TSC22D1: variants seen among roughly 807,000 people sequenced by gnomAD.
TSC22D1 encodes the protein TSC22 domain family protein 1.
In TSC22D1, 9 loss-of-function variants were observed where a neutral mutation model predicts 74.2. The observed-to-expected ratio is 0.12, with a 90% CI of 0.07 to 0.21. The LOEUF (loss-of-function observed/expected upper bound fraction) is 0.21. TSC22D1 is among the 10% of genes least tolerant of loss of function. The pLI, the probability that TSC22D1 is intolerant of heterozygous loss-of-function variation, is 1.00. For synonymous variants in TSC22D1, 586 were observed against 492.5 expected, an observed-to-expected ratio of 1.19 and a Z score of -2.51; for missense variants, 1,427 against 1,304.7, an observed-to-expected ratio of 1.09 and a Z score of -1.44.
intron 2 of TSC22D1, 87 bp downstream of exon 2, chr13:44,435,957 G>A (rs1874575744): frequency 1.5e-6 from 2 of 1,307,672 alleles, no homozygotes; most frequent in Non-Finnish European, 2.2e-6. Flanking sequence ...ATCATCATCT[G>A]AACTTAGGGA....
At chr13:44,452,828 G>GT (rs1484715545) in intron 1 of TSC22D1, 4 of 152,382 alleles carry the variant, frequency 2.6e-5, no homozygotes, top group Admixed American at 2.0e-4. Context: ...AGCTGGTAAG[G>GT]TAAGTGCTTG....
rs1874185986 is a variant in TSC22D1, at chr13:44,433,084, T to TAA, written c.*1540_*1541dup. 1 of 152,232 alleles carries TAA rather than the reference T, an allele frequency of 6.6e-6. No individual in the cohort carries two copies. The highest frequency in any genetic ancestry group is 2.1e-4 in the South Asian group (1 of 4,830). The allele number at this position is 152,232 out of a possible 1,614,324, so 9.4% of individuals were successfully genotyped here. A position where few individuals can be genotyped will look rare whatever the true frequency, so the allele number is the denominator to read the frequency against. ...TCCCAACCCAGGGTGACAGGGTTCT[T>TAA]AAAGTGGAAATCAGCTTCTCCAACT... On this transcript the variant is annotated 3_prime_UTR_variant, in exon 3 of 3. Coordinates refer to ENST00000458659, the MANE Select transcript of TSC22D1 (RefSeq NM_183422.4).
intron 1 of TSC22D1, among the ~76,000 whole-genome samples, chr13:44,438,763 A>G (rs910641409): frequency 1.1e-4 from 16 of 152,284 alleles, no homozygotes; most frequent in Non-Finnish European, 2.1e-4. Context: ...ATTATTTGGG[A>G]AGCTGGCATG....
At chr13:44,552,035 C>T (rs2138153627) in intron 1 of TSC22D1, among the ~76,000 whole-genome samples, 1 of 152,340 alleles carries the variant, frequency 6.6e-6, no homozygotes, top group East Asian at 1.9e-4. Flanking sequence ...CTCTCCTTTA[C>T]AAGGGTAGCT....
At chr13:44,572,400 G>C (rs1883831215) in intron 1 of TSC22D1, among the ~76,000 whole-genome samples, 1 of 152,188 alleles carries the variant, frequency 6.6e-6, no homozygotes, top group South Asian at 2.1e-4. Flanking sequence ...CAGAGACCAA[G>C]GTCTTATTTT....
intron 1 of TSC22D1, among the ~76,000 whole-genome samples, chr13:44,552,479 G>A (rs1006931643): frequency 3.3e-5 from 5 of 152,072 alleles, no homozygotes; most frequent in South Asian, 2.1e-4. Flanking sequence ...CAAGATTTCC[G>A]TCAGGAATAT....
chr13:44,550,150 T>C (rs936560266), intron 1 of TSC22D1, among the ~76,000 whole-genome samples: 69 of 152,196 alleles, frequency 4.5e-4, no homozygotes, highest in Admixed American at 1.3e-4. Flanking sequence ...TATGCTTTGA[T>C]TTAAAAAGTA....
Position 44,479,322 on chromosome 13 carries a change from A to ATT in TSC22D1, c.2913-43229_2913-43228dup, listed in dbSNP as rs35004474. On this transcript the variant is annotated intron_variant, in intron 1 of 2. Transcript: ENST00000458659. Reference sequence around the variant, plus strand: ...TAAAACAGTATGAGATCTTTCTGTGATTTTTTTTTTTTTTTTTTTAGCTCA... The same window carrying ATT: ...TAAAACAGTATGAGATCTTTCTGTGATTTTTTTTTTTTTTTTTTTTTAGCTCA... 2.7e-3 allele frequency among the ~76,000 whole-genome samples: 365 copies of ATT among 134,072 alleles called. 7 individuals are homozygous for ATT. The Middle Eastern group carries it at 0.036, about 13-fold the overall frequency. The allele number at this position is 134,072 out of a possible 152,430, so 88.0% of individuals were successfully genotyped here. A position where few individuals can be genotyped will look rare whatever the true frequency, so the allele number is the denominator to read the frequency against.
intron 1 of TSC22D1, among the ~76,000 whole-genome samples, chr13:44,520,163 T>C (rs1042774517): frequency 6.6e-6 from 1 of 152,178 alleles, no homozygotes; most frequent in Non-Finnish European, 1.5e-5. Context: ...GCCCAGAGAA[T>C]TGACACATGA....
intron 1 of TSC22D1, among the ~76,000 whole-genome samples, chr13:44,490,906 A>G (rs1878673967): frequency 2.0e-5 from 3 of 149,034 alleles, no homozygotes. Flanking sequence ...CCGTCTCATT[A>G]AAAAAAATGA....
intron 1 of TSC22D1, among the ~76,000 whole-genome samples, chr13:44,517,813 G>A (rs1462152156): frequency 8.4e-5 from 2 of 23,674 alleles, no homozygotes; most frequent in African/African-American, 1.2e-4. Context: ...ACATATATAT[G>A]TGTGTGTGTG....
At chr13:44,493,290 G>A (rs1220362041) in intron 1 of TSC22D1, among the ~76,000 whole-genome samples, 2 of 152,156 alleles carry the variant, frequency 1.3e-5, no homozygotes, top group African/African-American at 4.8e-5. Context: ...TTCTACAGAA[G>A]GCAGAGCAGA....
At chr13:44,516,402 G>GATTTAT (rs1879985293) in intron 1 of TSC22D1, 4 of 411,972 alleles carry the variant, frequency 9.7e-6, no homozygotes, top group Non-Finnish European at 1.9e-5. Context: ...ATAAATAAAA[G>GATTTAT]TTCCTGAAGA....
At chr13:44,489,198 A>G (rs963848175) in intron 1 of TSC22D1, among the ~76,000 whole-genome samples, 11 of 100,244 alleles carry the variant, frequency 1.1e-4, no homozygotes, top group Non-Finnish European at 2.2e-4. Context: ...GCCTTACCTC[A>G]TTTCATGCAA....
At chr13:44,475,706 G>GA (rs1420727009) in intron 1 of TSC22D1, among the ~76,000 whole-genome samples, 1 of 152,036 alleles carries the variant, frequency 6.6e-6, no homozygotes, top group Non-Finnish European at 1.5e-5. Flanking sequence ...TGGTCAAATA[G>GA]AAAAAATATA....
rs1884234571 is a variant in TSC22D1 at position 44,576,218 on chromosome 13, C to T, written c.-144G>A. 1.6e-6 allele frequency: 2 copies of T among 1,245,718 alleles called. No homozygotes were observed. Among genetic ancestry groups the T allele is most frequent in the Non-Finnish European group, 2.1e-6 (2 of 932,038 alleles). 77.2% of individuals were successfully genotyped at this position (1,245,718 alleles called of 1,614,324 possible). A position where few individuals can be genotyped will look rare whatever the true frequency, so the allele number is the denominator to read the frequency against. ...CCTTCTCCTCCTCCTCAGCCAAAGG[C>T]GCCGGTCGCTCCTGCCTTCGAGAGC... is the stretch of plus-strand genomic sequence containing the variant. On this transcript the variant is annotated 5_prime_UTR_variant, in exon 1 of 3. Transcript: ENST00000458659.
chr13:44,452,593 T>C (rs41425048), intron 1 of TSC22D1: 15,110 of 152,350 alleles, frequency 0.099, 783 homozygotes, highest in Non-Finnish European at 0.11. Context: ...TCTTACAAAG[T>C]AACTTGGCTA....
rs772780188 is a variant in TSC22D1 at position 44,434,709 on chromosome 13, A to G, written c.3139T>C (p.Ser1047Pro). The change falls in exon 3 of 3, where the codon TCC becomes CCC. Residue 1047 changes from serine (S) to proline (P), a missense_variant. This residue lies in a region of TSC22D1 where 63 missense variants were observed against 50.5 expected (regional missense o/e 1.25). Coordinates refer to ENST00000458659, the MANE Select transcript of TSC22D1 (RefSeq NM_183422.4). ...AQFQAQLQTG[S>P]PPATTQPQGT... ...TGTGGCTGGGTGGTGGCAGGGGGGG[A>G]GCCAGTCTGCAGCTGGGCCTGAAAC... 9.3e-6 allele frequency: 15 copies of G among 1,608,930 alleles called. 1 individual carries two copies. The highest frequency in any genetic ancestry group is 2.2e-5 in the East Asian group (1 of 44,784).
rs1184367263 is a variant in TSC22D1 at position 44,473,625 on chromosome 13, GTA to G, written c.2913-37532_2913-37531del. Among the ~76,000 whole-genome samples the G allele has an allele frequency of 3.8e-3, 482 of 125,722 alleles. 3 individuals carry two copies. Among genetic ancestry groups the G allele is most frequent in the African/African-American group, 6.5e-3 (222 of 34,226 alleles). The allele number at this position is 125,722 out of a possible 152,430, so 82.5% of individuals were successfully genotyped here. A position where few individuals can be genotyped will look rare whatever the true frequency, so the allele number is the denominator to read the frequency against. Reference sequence around the variant, plus strand: ...TATATATGTGTGTGTGTGTGTGTGTGTATATATTTAGCATAGATGTATATATT... The same window carrying G: ...TATATATGTGTGTGTGTGTGTGTGTGTATATTTAGCATAGATGTATATATT... On this transcript the variant is annotated intron_variant, in intron 1 of 2. Coordinates refer to ENST00000458659, the MANE Select transcript of TSC22D1 (RefSeq NM_183422.4).
Sources: allele counts gnomAD v4.1 joint callset (sites outside exome capture counted in the v4.1 genomes callset), GRCh38; gene constraint gnomAD v4.1.1; regional missense constraint gnomAD v4.1.1; transcripts MANE v1.5; gene names NCBI Gene and HGNC (gene_info 2026-07-23, HGNC 2026-07-21).